Variants in USP3 observed in about 807,000 individuals in gnomAD.
USP3 encodes ubiquitin specific peptidase 3.
USP3 carries 20 observed loss-of-function variants against 72.3 expected under a neutral mutation model. That is an observed-to-expected ratio of 0.28 (90% CI 0.19 to 0.40). USP3 has a LOEUF of 0.40. Ranked by LOEUF, USP3 falls within the 10% of genes least tolerant of loss-of-function variation. USP3 has a pLI of 1.00. For missense variants in USP3, 479 were observed against 633.9 expected (o/e 0.76, Z 2.62); for synonymous variants, 222 against 225.3 (o/e 0.99, Z 0.13).
At chr15:63,566,319 TTTTA>T (rs2066690439) in intron 8 of USP3, among the ~76,000 whole-genome samples, 1 of 151,616 alleles carries the variant, frequency 6.6e-6, no homozygotes, top group Non-Finnish European at 1.5e-5. Flanking sequence ...TTTTTTTTAA[TTTTA>T]TTTTTTATTT....
chr15:63,569,883 C>T (rs1240914513), intron 8 of USP3, among the ~76,000 whole-genome samples: 1 of 152,204 alleles, frequency 6.6e-6, no homozygotes, highest in African/African-American at 2.4e-5. Flanking sequence ...TTAACTCTTT[C>T]AGTAAAGTGT....
chr15:63,534,745 T>G (rs997226249), intron 2 of USP3, among the ~76,000 whole-genome samples: 2 of 152,142 alleles, frequency 1.3e-5, no homozygotes, highest in Non-Finnish European at 2.9e-5. Flanking sequence ...TATGTAAAGA[T>G]GATGAGTTCT....
At chr15:63,563,188 A>G (rs1040573071) in intron 8 of USP3, among the ~76,000 whole-genome samples, 180 bp downstream of exon 8, 4 of 152,168 alleles carry the variant, frequency 2.6e-5, no homozygotes, top group Non-Finnish European at 4.4e-5. Flanking sequence ...ACATGTGTTT[A>G]TTTAAATAAT....
chr15:63,593,474 CTG>C lies in USP3; in HGVS notation c.*2650_*2651del, dbSNP rs1450850651. The C allele has an allele frequency of 6.6e-6, 1 of 152,212 alleles. No homozygotes were observed. The highest frequency in any genetic ancestry group is 1.5e-5 in the Non-Finnish European group (1 of 68,046). 9.4% of individuals were successfully genotyped at this position (152,212 alleles called of 1,614,324 possible). On this transcript the variant is annotated 3_prime_UTR_variant, in exon 15 of 15. Transcript: ENST00000380324. Reference sequence around the variant, plus strand: ...GGGCAGAGTTGATGGTGAAAAAAAGCTGTATTTTTATACCAAATGGAACTTCA... The same window carrying C: ...GGGCAGAGTTGATGGTGAAAAAAAGCTATTTTTATACCAAATGGAACTTCA...
At chr15:63,509,141 C>T (rs2065750620) in intron 1 of USP3, among the ~76,000 whole-genome samples, 1 of 152,112 alleles carries the variant, frequency 6.6e-6, no homozygotes, top group Non-Finnish European at 1.5e-5. Context: ...TCGTATTTCT[C>T]CACAACCTAC....
intron 3 of USP3, among the ~76,000 whole-genome samples, chr15:63,539,504 A>G (rs1040986519): frequency 1.3e-5 from 2 of 152,210 alleles, no homozygotes; most frequent in African/African-American, 4.8e-5. Flanking sequence ...AAAAATGTAG[A>G]TTATATATTT....
chr15:63,534,846 A>G (rs2066131300), intron 2 of USP3, among the ~76,000 whole-genome samples: 1 of 152,188 alleles, frequency 6.6e-6, no homozygotes, highest in Non-Finnish European at 1.5e-5. Context: ...TTATAAATAT[A>G]TATGATAAGA....
At chr15:63,541,011 A>G (rs2066236861) in intron 3 of USP3, among the ~76,000 whole-genome samples, 1 of 152,158 alleles carries the variant, frequency 6.6e-6, no homozygotes, top group Non-Finnish European at 1.5e-5. Flanking sequence ...AAAATTAGGA[A>G]CTTTGGTTTT....
At chr15:63,512,958 A>C (rs1246572452) in intron 1 of USP3, among the ~76,000 whole-genome samples, 5 of 152,198 alleles carry the variant, frequency 3.3e-5, no homozygotes, top group Non-Finnish European at 7.3e-5. Flanking sequence ...ATTTTATAAG[A>C]CCCTTTGAAG....
At chr15:63,531,615 T>G (rs2066077130) in intron 1 of USP3, among the ~76,000 whole-genome samples, 1 of 152,202 alleles carries the variant, frequency 6.6e-6, no homozygotes, top group South Asian at 2.1e-4. Flanking sequence ...AAAGGCCTGT[T>G]GTGATACGGG....
At chr15:63,517,724 G>A (rs1372620491) in intron 1 of USP3, among the ~76,000 whole-genome samples, 3 of 152,294 alleles carry the variant, frequency 2.0e-5, no homozygotes, top group African/African-American at 7.2e-5. Flanking sequence ...CCATGACTCA[G>A]TTGTCCTTAG....
intron 2 of USP3, among the ~76,000 whole-genome samples, chr15:63,534,474 A>G (rs1296463023): frequency 1.3e-5 from 2 of 152,194 alleles, no homozygotes; most frequent in Non-Finnish European, 2.9e-5. Context: ...AATTTGTGAC[A>G]TATGTAGTGA....
chr15:63,560,225 G>A (rs1447557046), intron 7 of USP3, among the ~76,000 whole-genome samples: 1 of 152,032 alleles, frequency 6.6e-6, no homozygotes, highest in Non-Finnish European at 1.5e-5. Context: ...AGACCAGCCT[G>A]GTCAACATGG....
At chr15:63,579,706 T>C (rs1051520971) in intron 11 of USP3, among the ~76,000 whole-genome samples, 4 of 152,064 alleles carry the variant, frequency 2.6e-5, no homozygotes, top group African/African-American at 9.7e-5. Context: ...TGAGCAATGG[T>C]AAAAGACCAT....
intron 3 of USP3, among the ~76,000 whole-genome samples, chr15:63,538,866 T>A (rs2066200312): frequency 6.6e-6 from 1 of 152,188 alleles, no homozygotes; most frequent in African/African-American, 2.4e-5. Flanking sequence ...TGAATAGACA[T>A]CTTAAGGGTT....
chr15:63,552,236 A>G (rs2066447689), intron 3 of USP3, among the ~76,000 whole-genome samples: 1 of 152,238 alleles, frequency 6.6e-6, no homozygotes, highest in South Asian at 2.1e-4. Flanking sequence ...GTAAGCAGAA[A>G]TTCGAGTAGA....
chr15:63,558,010 G>A (rs1007224477), intron 5 of USP3, 96 bp from the exon 6 acceptor site: 1 of 1,245,304 alleles, frequency 8.0e-7, no homozygotes, highest in African/African-American at 1.5e-5. Flanking sequence ...AAATTGGCTT[G>A]GTGCTAGATT....
rs910159585 is a variant in USP3, at chr15:63,591,617, C to G, written c.*791C>G. On this transcript the variant is annotated 3_prime_UTR_variant, in exon 15 of 15. Coordinates refer to ENST00000380324, the MANE Select transcript of USP3 (RefSeq NM_006537.4). ...TGTTACCAGTGAGGTAAAGCCATGGCGTCTGCCTCCTTTTGAATCAGTATC... is the reference window on the plus strand; with the variant it reads ...TGTTACCAGTGAGGTAAAGCCATGGGGTCTGCCTCCTTTTGAATCAGTATC... 1 of 152,146 alleles carries G rather than the reference C, an allele frequency of 6.6e-6. No homozygotes were observed. The highest frequency in any genetic ancestry group is 6.5e-5 in the Admixed American group (1 of 15,278). 9.4% of individuals were successfully genotyped at this position (152,146 alleles called of 1,614,324 possible).
intron 3 of USP3, among the ~76,000 whole-genome samples, chr15:63,552,925 T>C (rs2066456866): frequency 6.6e-6 from 1 of 152,230 alleles, no homozygotes; most frequent in Non-Finnish European, 1.5e-5. Context: ...AATATCTTAG[T>C]GCCAGCTTGT....
Sources: allele counts gnomAD v4.1 joint callset (sites outside exome capture counted in the v4.1 genomes callset), GRCh38; gene constraint gnomAD v4.1.1; transcripts MANE v1.5; gene names NCBI Gene and HGNC (gene_info 2026-07-23, HGNC 2026-07-21).